The following CHEK2 variants were observed in gnomAD, a reference collection of about 807,000 sequenced individuals.
CHEK2 encodes serine/threonine-protein kinase Chk2.
Under a neutral mutation model 69.1 loss-of-function variants are expected in CHEK2, and 71 were observed. The observed-to-expected ratio is 1.03, with a 90% CI of 0.85 to 1.25. The LOEUF is 1.25. Among genes scored for constraint, CHEK2 ranks in the 50% most tolerant of loss-of-function variants. The pLI is 0.00. For missense variants in CHEK2, 664 were observed against 649.6 expected (o/e 1.02, Z -0.24); for synonymous variants, 189 against 226.9 (o/e 0.83, Z 1.50).
intron 2 of CHEK2, among the ~76,000 whole-genome samples, chr22:28,729,662 A>C (rs2054134514): frequency 6.6e-6 from 1 of 152,066 alleles, no homozygotes; most frequent in Non-Finnish European, 1.5e-5. Context: ...CACAGAAAAA[A>C]ATTTTGGCAA....
intron 13 of CHEK2, among the ~76,000 whole-genome samples, chr22:28,692,838 G>C (rs1225981789): frequency 1.3e-5 from 2 of 152,168 alleles, no homozygotes; most frequent in East Asian, 3.8e-4. Context: ...TTTCCCCCAG[G>C]CTATTCTCGT....
Position 28,703,537 on chromosome 22 carries a change from A to G in CHEK2, c.876T>C (p.Phe292=), listed in dbSNP as rs1555916979. ...HPCIIKIKNF[F]DAEDYYIVLE... is the part of the protein sequence containing the mutation. ...AAACAATATAATAATCTTCTGCATC[A>G]AAAAAGTTTTTAATCTTGATGATGC... is the stretch of plus-strand genomic sequence containing the variant. The change falls in exon 8 of 15, where the codon TTT becomes TTC. Residue 292 remains phenylalanine, a synonymous_variant. Transcript: ENST00000404276. 6.4e-7 allele frequency: 1 copy of G among 1,554,960 alleles called. No individual in the cohort carries two copies. The highest frequency in any genetic ancestry group is 8.8e-7 in the Non-Finnish European group (1 of 1,132,788).
chr22:28,713,221 A>C (rs2053466813), intron 5 of CHEK2, among the ~76,000 whole-genome samples: 1 of 152,240 alleles, frequency 6.6e-6, no homozygotes, highest in Non-Finnish European at 1.5e-5. Context: ...TCCGACGGAC[A>C]TTTATTTGGT....
At chr22:28,722,330 G>A (rs888433137) in intron 4 of CHEK2, among the ~76,000 whole-genome samples, 11 of 151,650 alleles carry the variant, frequency 7.3e-5, no homozygotes, top group African/African-American at 2.2e-4. Flanking sequence ...CACGAGGTCA[G>A]GAGATGGAGA....
At chr22:28,737,564 G>A (rs2054449320) in intron 1 of CHEK2, among the ~76,000 whole-genome samples, 1 of 151,702 alleles carries the variant, frequency 6.6e-6, no homozygotes, top group Non-Finnish European at 1.5e-5. Flanking sequence ...CCACCTCCTG[G>A]GTTCAAGCAA....
At chr22:28,688,088 G>A (rs2052195752) in intron 14 of CHEK2, 102 bp from the exon 15 acceptor site, 1 of 956,134 alleles carries the variant, frequency 1.0e-6, no homozygotes, top group East Asian at 2.6e-5. Context: ...GGGGGCATTT[G>A]ATGTGAAATT....
chr22:28,733,620 C>T (rs1026226647), intron 2 of CHEK2, among the ~76,000 whole-genome samples: 138 of 151,992 alleles, frequency 9.1e-4, no homozygotes, highest in African/African-American at 3.0e-3. Context: ...GGCCAATTCA[C>T]GCAAACTTCC....
At chr22:28,712,653 C>A (rs1346378158) in intron 5 of CHEK2, among the ~76,000 whole-genome samples, 2 of 152,172 alleles carry the variant, frequency 1.3e-5, no homozygotes, top group African/African-American at 4.8e-5. Flanking sequence ...CACAGTTAAT[C>A]CTGAGTAGGA....
chr22:28,712,196 G>A (rs2053427958), intron 5 of CHEK2, 179 bp from the exon 6 acceptor site: 2 of 620,354 alleles, frequency 3.2e-6, no homozygotes, highest in Non-Finnish European at 5.8e-6. Context: ...GGGCTTAACA[G>A]CCAAAAACAC....
intron 2 of CHEK2, among the ~76,000 whole-genome samples, chr22:28,732,436 A>G (rs748862764): frequency 7.2e-5 from 11 of 152,028 alleles, no homozygotes; most frequent in Non-Finnish European, 1.6e-4. Flanking sequence ...TAACAGAGAC[A>G]GGGTTTCCCC....
rs1427613188 is a variant in CHEK2 at position 28,696,934 on chromosome 22, T to A, written c.1062A>T (p.Leu354Phe). ...GACAGTCCTCTTCTTGAGATGACAG[T>A]AAAACATTCTCTGGCTTTAAGTCAC... Reference protein sequence around the residue: ...IHRDLKPENVLLSSQEEDCLI... With the variant: ...IHRDLKPENVFLSSQEEDCLI... Residue 354 changes from leucine to phenylalanine, a missense_variant, in exon 10 of 15, where the codon TTA becomes TTT. By Grantham distance (22) the Leu-to-Phe change is conservative. Coordinates refer to ENST00000404276, the MANE Select transcript of CHEK2 (RefSeq NM_007194.4). 6.2e-7 allele frequency: 1 copy of A among 1,613,320 alleles called. No homozygotes were observed. The highest frequency in any genetic ancestry group is 1.3e-5 in the African/African-American group (1 of 74,918).
Position 28,719,466 on chromosome 22 carries a change from C to A in CHEK2, c.612G>T (p.Leu204=), listed in dbSNP as rs752876192. The change falls in exon 5 of 15, where the codon CTG becomes CTT. Residue 204 remains leucine, a synonymous_variant. Transcript: ENST00000404276. Reference sequence around the variant, plus strand: ...GATAAACTGACTGATCATCTACAGTCAGATCAAAAAAGACAAAAACTAAGG... The same window carrying A: ...GATAAACTGACTGATCATCTACAGTAAGATCAAAAAAGACAAAAACTAAGG... ...SRNKVFVFFD[L]TVDDQSVYPK... 2 of 1,592,146 alleles carry A rather than the reference C, an allele frequency of 1.3e-6. No individual in the cohort carries two copies. Among genetic ancestry groups the A allele is most frequent in the South Asian group, 1.1e-5 (1 of 88,514 alleles).
chr22:28,689,524 G>T (rs938613775), intron 13 of CHEK2: 1 of 379,156 alleles, frequency 2.6e-6, no homozygotes, highest in Non-Finnish European at 5.1e-6. Flanking sequence ...TCCTGAGAAA[G>T]GTGGCAATCA....
At chr22:28,701,812 T>A (rs1383751139) in intron 8 of CHEK2, among the ~76,000 whole-genome samples, 4 of 152,170 alleles carry the variant, frequency 2.6e-5, no homozygotes, top group Non-Finnish European at 4.4e-5. Flanking sequence ...CAGGTAGATA[T>A]TTCAGAGTAG....
At chr22:28,707,344 T>C (rs1177234579) in intron 7 of CHEK2, among the ~76,000 whole-genome samples, 8 of 152,192 alleles carry the variant, frequency 5.3e-5, no homozygotes, top group Admixed American at 5.2e-4. Flanking sequence ...GACATAAGTA[T>C]TCTTATTGTC....
chr22:28,740,685 C>T (rs1197206022), intron 1 of CHEK2, among the ~76,000 whole-genome samples: 1 of 152,158 alleles, frequency 6.6e-6, no homozygotes, highest in Non-Finnish European at 1.5e-5. Context: ...TCCTTGGGAA[C>T]TCCATATAGC....
intron 7 of CHEK2, among the ~76,000 whole-genome samples, chr22:28,706,382 T>TG (rs1244653609): frequency 6.6e-6 from 1 of 151,770 alleles, no homozygotes; most frequent in East Asian, 1.9e-4. Context: ...CTGGGTAGGA[T>TG]GGGGAAAACA....
At chr22:28,717,974 A>G (rs1266324740) in intron 5 of CHEK2, among the ~76,000 whole-genome samples, 1 of 151,946 alleles carries the variant, frequency 6.6e-6, no homozygotes, top group Non-Finnish European at 1.5e-5. Flanking sequence ...CCAGCTACTC[A>G]GGAGGCTGAG....
At chr22:28,724,298 C>T (rs1219781030) in intron 4 of CHEK2, among the ~76,000 whole-genome samples, 2 of 151,794 alleles carry the variant, frequency 1.3e-5, no homozygotes, top group Non-Finnish European at 2.9e-5. Flanking sequence ...ATCCCAGCTA[C>T]TTGGGAGGCT....
Sources: allele counts gnomAD v4.1 joint callset (sites outside exome capture counted in the v4.1 genomes callset), GRCh38; gene constraint gnomAD v4.1.1; transcripts MANE v1.5; gene names NCBI Gene and HGNC (gene_info 2026-07-23, HGNC 2026-07-21).